ZCCHC2: variants seen among roughly 807,000 people sequenced by gnomAD.
ZCCHC2 encodes zinc finger CCHC-type containing 2.
Under a neutral mutation model 103.6 loss-of-function variants are expected in ZCCHC2, and 39 were observed. The ratio of observed to expected loss-of-function variants is 0.38; its 90% CI spans 0.29 to 0.49. The LOEUF (loss-of-function observed/expected upper bound fraction) is 0.49. Among genes scored for constraint, ZCCHC2 ranks in the 20% least tolerant of loss-of-function variants. The pLI is 0.96. For missense variants in ZCCHC2, 1,483 were observed against 1,491.0 expected (o/e 0.99, Z 0.09); for synonymous variants, 687 against 608.9 (o/e 1.13, Z -1.89).
downstream of ZCCHC2, among the ~76,000 whole-genome samples, chr18:62,579,797 A>C (rs1916991794): frequency 6.6e-6 from 1 of 151,546 alleles, no homozygotes; most frequent in South Asian, 2.1e-4. Context: ...ATCTCGACTC[A>C]CTGGAACCTC....
Position 62,524,021 on chromosome 18 carries a change from C to G in ZCCHC2, c.597C>G (p.Asp199Glu), listed in dbSNP as rs1377288115. 1.4e-6 allele frequency: 2 copies of G among 1,478,650 alleles called. No individual in the cohort carries two copies. The highest frequency in any genetic ancestry group is 1.8e-6 in the Non-Finnish European group (2 of 1,124,404). The allele number at this position is 1,478,650 out of a possible 1,614,324, so 91.6% of individuals were successfully genotyped here. ...TGCACCGCCTGCTACCCCAGGTGGA[C>G]TCGGTGCTCAAAAGCCTGCGCGCGG... The part of the protein sequence containing the change: ...GRLHRLLPQV[D>E]SVLKSLRAAR... Residue 199 changes from aspartate to glutamate, a missense_variant, in exon 1 of 14, where the codon GAC becomes GAG. By Grantham distance (45) the Asp-to-Glu change is conservative. Transcript: ENST00000269499.
chr18:62,577,343 C>G lies in ZCCHC2; in HGVS notation c.*764C>G, dbSNP rs994488729. ...AAACCAACTTTTTACTTCCATCATC[C>G]TTTTTTAGCCTGTTGCTTCAGAGAG... On this transcript the variant is annotated 3_prime_UTR_variant, in exon 14 of 14. Transcript: ENST00000269499. The G allele has an allele frequency of 6.6e-6, 1 of 152,150 alleles. No homozygotes were observed. Among genetic ancestry groups the G allele is most frequent in the Non-Finnish European group, 1.5e-5 (1 of 68,016 alleles). The allele number at this position is 152,150 out of a possible 1,614,324, so 9.4% of individuals were successfully genotyped here. A position where few individuals can be genotyped will look rare whatever the true frequency, so the allele number is the denominator to read the frequency against.
chr18:62,568,367 TC>T (rs1429370489), intron 11 of ZCCHC2, among the ~76,000 whole-genome samples: 1 of 152,186 alleles, frequency 6.6e-6, no homozygotes, highest in Non-Finnish European at 1.5e-5. Context: ...ACTTTCCACA[TC>T]CCCTGAATCT....
intron 4 of ZCCHC2, among the ~76,000 whole-genome samples, chr18:62,546,701 C>T (rs757117232): frequency 6.6e-6 from 1 of 152,246 alleles, no homozygotes; most frequent in East Asian, 1.9e-4. Flanking sequence ...CGCATGGAGT[C>T]TGCCTTCTAC....
In ZCCHC2 at chr18:62,553,368, C is replaced by A. The variant is rs77435843; in HGVS notation, c.1314-2835C>A. ...TTTTAGCTGAACCATAATTAATCAA[C>A]ATATTTTACGTCCATTTTAGTTGTT... On this transcript the variant is annotated intron_variant, in intron 5 of 13. Coordinates refer to ENST00000269499, the MANE Select transcript of ZCCHC2 (RefSeq NM_017742.6). 8.8e-3 allele frequency among the ~76,000 whole-genome samples: 1,335 copies of A among 152,198 alleles called. 20 individuals are homozygous for A. The highest frequency in any genetic ancestry group is 0.031 in the African/African-American group (1,281 of 41,518).
downstream of ZCCHC2, among the ~76,000 whole-genome samples, chr18:62,583,058 C>G: frequency 6.6e-6 from 1 of 152,130 alleles, no homozygotes; most frequent in Non-Finnish European, 1.5e-5. Context: ...GAGCCCAGAT[C>G]ATGCCACTGC....
intron 3 of ZCCHC2, 85 bp downstream of exon 3, chr18:62,542,659 G>T: frequency 8.6e-7 from 1 of 1,161,814 alleles, no homozygotes; most frequent in South Asian, 1.4e-5. Context: ...GCTAATTTAA[G>T]GGAAAAGGTA....
At chr18:62,579,792 G>A (rs909463658), downstream of ZCCHC2, among the ~76,000 whole-genome samples, 20 of 151,652 alleles carry the variant, frequency 1.3e-4, no homozygotes, top group African/African-American at 4.1e-4. Context: ...GTGCAATCTC[G>A]ACTCACTGGA....
At chr18:62,557,215 T>G (rs1915923393) in intron 6 of ZCCHC2, among the ~76,000 whole-genome samples, 1 of 152,222 alleles carries the variant, frequency 6.6e-6, no homozygotes, top group South Asian at 2.1e-4. Context: ...CACATCTACC[T>G]CAGCCTGCCT....
intron 1 of ZCCHC2, among the ~76,000 whole-genome samples, chr18:62,534,139 C>T (rs1157451654): frequency 6.6e-6 from 1 of 151,710 alleles, no homozygotes; most frequent in African/African-American, 2.4e-5. Context: ...GGCAACATAC[C>T]AAGACCCCAT....
chr18:62,582,137 TG>T (rs1326543759), downstream of ZCCHC2, among the ~76,000 whole-genome samples: 1 of 151,710 alleles, frequency 6.6e-6, no homozygotes, highest in Non-Finnish European at 1.5e-5. Flanking sequence ...GAATGAAAAA[TG>T]GGAAGTTTCC....
intron 3 of ZCCHC2, among the ~76,000 whole-genome samples, chr18:62,542,936 G>A (rs1194958525): frequency 2.6e-5 from 4 of 152,016 alleles, no homozygotes; most frequent in African/African-American, 7.3e-5. Flanking sequence ...TCTCTGTGAC[G>A]CTTTTATTGC....
chr18:62,524,014 A>G lies in ZCCHC2; in HGVS notation c.590A>G (p.Gln197Arg). ...AAGRLHRLLP[Q>R]VDSVLKSLRA... Reference sequence around the variant, plus strand: ...GGCCGTCTGCACCGCCTGCTACCCCAGGTGGACTCGGTGCTCAAAAGCCTG... The same window carrying G: ...GGCCGTCTGCACCGCCTGCTACCCCGGGTGGACTCGGTGCTCAAAAGCCTG... The change falls in exon 1 of 14, where the codon CAG becomes CGG. Residue 197 changes from glutamine to arginine, a missense_variant. Physicochemically the swap from Gln to Arg is conservative, Grantham distance 43. Transcript: ENST00000269499. 2.7e-6 allele frequency: 4 copies of G among 1,480,886 alleles called. No homozygotes were observed. Among genetic ancestry groups the G allele is most frequent in the Non-Finnish European group, 2.7e-6 (3 of 1,124,924 alleles). The allele number at this position is 1,480,886 out of a possible 1,614,324, so 91.7% of individuals were successfully genotyped here. A position where few individuals can be genotyped will look rare whatever the true frequency, so the allele number is the denominator to read the frequency against.
chr18:62,550,359 A>T lies in ZCCHC2; in HGVS notation c.1212A>T (p.Glu404Asp). The change falls in exon 5 of 14, where the codon GAA (glutamate) becomes GAT (aspartate). Residue 404 changes from glutamate (E) to aspartate (D), a missense_variant. This residue lies in a region of ZCCHC2 where 31 missense variants were observed against 58.4 expected (regional missense o/e 0.53). Transcript: ENST00000269499. The stretch of plus-strand genomic sequence containing the variant: ...TTTTTCTTTTCTAGCTTCCAAAGGA[A>T]CTGTCTTCAGAGACTTTTGACAAGA... ...LQEFLLKLPK[E>D]LSSETFDKTI... The T allele has an allele frequency of 1.9e-6, 3 of 1,612,942 alleles. No individual in the cohort carries two copies. Among genetic ancestry groups the T allele is most frequent in the Non-Finnish European group, 2.5e-6 (3 of 1,179,480 alleles).
At chr18:62,549,658 A>G (rs990894247) in intron 4 of ZCCHC2, among the ~76,000 whole-genome samples, 5 of 152,198 alleles carry the variant, frequency 3.3e-5, no homozygotes, top group Admixed American at 2.0e-4. Flanking sequence ...CAATTTAGGA[A>G]TTTTTTTAAA....
At chr18:62,582,703 TTAAA>T (rs1192956527), downstream of ZCCHC2, among the ~76,000 whole-genome samples, 1 of 151,784 alleles carries the variant, frequency 6.6e-6, no homozygotes, top group Non-Finnish European at 1.5e-5. Flanking sequence ...GCTCTGAAGG[TTAAA>T]TAATCTATGG....
downstream of ZCCHC2, among the ~76,000 whole-genome samples, chr18:62,583,229 G>A (rs1917081956): frequency 6.6e-6 from 1 of 152,128 alleles, no homozygotes; most frequent in Admixed American, 6.5e-5. Context: ...AGTTAATTTT[G>A]CTCTATGCAC....
At chr18:62,544,700 A>C (rs1031687173) in intron 3 of ZCCHC2, 102 bp from the exon 4 acceptor site, 5 of 875,756 alleles carry the variant, frequency 5.7e-6, no homozygotes, top group African/African-American at 3.5e-5. Flanking sequence ...TGTTAATCTT[A>C]GTAAAATTTA....
At position 62,563,114 on chromosome 18, in the gene ZCCHC2, C is replaced by T. The variant is rs936412185; in HGVS notation, c.1656C>T (p.His552=). 3 of 1,613,636 alleles carry T rather than the reference C, an allele frequency of 1.9e-6. No individual in the cohort carries two copies. The highest frequency in any genetic ancestry group is 2.7e-5 in the African/African-American group (2 of 74,914). The change falls in exon 9 of 14, where the codon CAC becomes CAT. Residue 552 remains histidine (H), a synonymous_variant. Transcript: ENST00000269499. ...WRKQSCTTIQ[H]PEHCVTSADQ... is the part of the protein sequence containing the mutation. Reference sequence around the variant, plus strand: ...AGCAAAGCTGTACCACCATTCAACACCCAGAGCACTGTGTGACCTCGGCTG... The same window carrying T: ...AGCAAAGCTGTACCACCATTCAACATCCAGAGCACTGTGTGACCTCGGCTG...
Sources: gnomAD v4.1 joint callset for allele counts (sites outside exome capture counted in the v4.1 genomes callset) on GRCh38, gnomAD v4.1.1 for gene constraint, gnomAD v4.1.1 regional missense constraint, MANE v1.5 for transcripts, NCBI Gene and HGNC (gene_info 2026-07-23, HGNC 2026-07-21) for gene names.